The following KCNN2 variants were observed in gnomAD, a reference collection of about 807,000 sequenced individuals.
KCNN2 encodes small conductance calcium-activated potassium channel protein 2.
In KCNN2, 24 loss-of-function variants were observed where a neutral mutation model predicts 55.5. That is an observed-to-expected ratio of 0.43 (90% CI 0.31 to 0.61). The LOEUF is 0.61. KCNN2 is among the 20% of genes least tolerant of loss of function. The pLI, the probability that KCNN2 is intolerant of heterozygous loss-of-function variation, is 0.08. For missense variants in KCNN2, 754 were observed against 853.6 expected, an observed-to-expected ratio of 0.88 and a Z score of 1.45; for synonymous variants, 431 against 336.1, an observed-to-expected ratio of 1.28 and a Z score of -3.09.
chr5:114,228,444 G>C (rs1754286308), intron 2 of KCNN2, among the ~76,000 whole-genome samples: 1 of 151,976 alleles, frequency 6.6e-6, no homozygotes, highest in Non-Finnish European at 1.5e-5. Flanking sequence ...TTTAAAAGCA[G>C]ACAGTTTAAA....
intron 2 of KCNN2, among the ~76,000 whole-genome samples, chr5:114,259,177 C>T (rs1182997991): frequency 1.3e-5 from 2 of 152,184 alleles, no homozygotes; most frequent in East Asian, 3.9e-4. Context: ...AGTTTTCAGG[C>T]TAGGAAAGCA....
intron 1 of KCNN2, among the ~76,000 whole-genome samples, chr5:114,161,906 G>T (rs1246432749): frequency 6.6e-6 from 1 of 152,108 alleles, no homozygotes; most frequent in Non-Finnish European, 1.5e-5. Flanking sequence ...CATTCGTCTA[G>T]TTTTTGTTCA....
chr5:114,162,951 G>A (rs376847428), intron 1 of KCNN2, among the ~76,000 whole-genome samples: 8 of 152,108 alleles, frequency 5.3e-5, no homozygotes, highest in East Asian at 1.9e-4. Flanking sequence ...TGCACTTCCC[G>A]GGTGAGGCGA....
intron 2 of KCNN2, among the ~76,000 whole-genome samples, chr5:114,288,493 T>TACACACAC (rs777077524): frequency 0.066 from 1,421 of 21,590 alleles, 7 homozygotes; most frequent in Non-Finnish European, 0.094. Flanking sequence ...ACTTTATATA[T>TACACACAC]ATATATACAC....
chr5:114,257,693 T>G (rs1053260921), intron 2 of KCNN2, among the ~76,000 whole-genome samples: 7 of 152,208 alleles, frequency 4.6e-5, no homozygotes, highest in African/African-American at 1.7e-4. Flanking sequence ...TTTTGTACAT[T>G]GATTTCATAT....
At chr5:114,339,126 G>A (rs1316324526) in intron 2 of KCNN2, among the ~76,000 whole-genome samples, 2 of 152,180 alleles carry the variant, frequency 1.3e-5, no homozygotes, top group African/African-American at 2.4e-5. Flanking sequence ...ACGTACATAA[G>A]AGGAATCATC....
At chr5:114,398,573 A>G (rs1484326654) in intron 2 of KCNN2, among the ~76,000 whole-genome samples, 3 of 146,758 alleles carry the variant, frequency 2.0e-5, no homozygotes, top group African/African-American at 2.5e-5. Flanking sequence ...AGTTTTTTCT[A>G]TTTCTGTGAA....
chr5:114,117,077 A>G (rs1751721485), intron 1 of KCNN2, among the ~76,000 whole-genome samples: 1 of 152,180 alleles, frequency 6.6e-6, no homozygotes, highest in Admixed American at 6.6e-5. Context: ...AGTAGAAAAC[A>G]TAAGCAGAGA....
intron 1 of KCNN2, among the ~76,000 whole-genome samples, chr5:114,179,490 A>G (rs1753199886): frequency 6.6e-6 from 1 of 152,244 alleles, no homozygotes; most frequent in African/African-American, 2.4e-5. Flanking sequence ...TTTAGAAAGT[A>G]GAGGCACAGG....
At chr5:114,270,201 A>G (rs1174913787) in intron 2 of KCNN2, among the ~76,000 whole-genome samples, 3 of 152,196 alleles carry the variant, frequency 2.0e-5, no homozygotes, top group Non-Finnish European at 4.4e-5. Context: ...CTCTTATTCA[A>G]ATTGTGAGGC....
At chr5:114,135,056 G>A (rs1374419271) in intron 1 of KCNN2, among the ~76,000 whole-genome samples, 2 of 152,204 alleles carry the variant, frequency 1.3e-5, no homozygotes, top group Non-Finnish European at 2.9e-5. Context: ...AGATGGAGAT[G>A]AAAAGGAAAG....
intron 3 of KCNN2, among the ~76,000 whole-genome samples, chr5:114,408,311 G>T (rs79616744): frequency 0.043 from 6,490 of 151,642 alleles, 160 homozygotes; most frequent in South Asian, 0.062. Flanking sequence ...TCATTTTAAG[G>T]TTGTTAAGGG....
intron 3 of KCNN2, among the ~76,000 whole-genome samples, chr5:114,458,918 A>G (rs1761059677): frequency 6.6e-6 from 1 of 152,210 alleles, no homozygotes; most frequent in South Asian, 2.1e-4. Context: ...GGATAACAGC[A>G]TACCTCCCAG....
intron 3 of KCNN2, among the ~76,000 whole-genome samples, chr5:114,458,921 C>A (rs564437930): frequency 4.9e-4 from 74 of 152,298 alleles, no homozygotes; most frequent in African/African-American, 1.6e-3. Flanking sequence ...TAACAGCATA[C>A]CTCCCAGCCA....
chr5:114,256,687 G>A (rs921259634), intron 2 of KCNN2, among the ~76,000 whole-genome samples: 1 of 152,044 alleles, frequency 6.6e-6, no homozygotes, highest in Non-Finnish European at 1.5e-5. Flanking sequence ...AAAAGTGTCT[G>A]TTCATATACT....
In KCNN2 at chr5:114,237,256, T is replaced by TCACACACACACA. The variant is rs10643853; in HGVS notation, c.-185+15715_-185+15726dup. ...ATCTCCTGATGTGGGTTGTCAAAAT[T>TCACACACACACA]CACACACACACACACACACACACAC... On this transcript the variant is annotated intron_variant, in intron 2 of 10. Transcript: ENST00000512097. 1.6e-3 allele frequency among the ~76,000 whole-genome samples: 218 copies of TCACACACACACA among 138,582 alleles called. 1 individual carries two copies. Among genetic ancestry groups the TCACACACACACA allele is most frequent in the Middle Eastern group, 7.1e-3 (2 of 282 alleles). The allele number at this position is 138,582 out of a possible 152,430, so 90.9% of individuals were successfully genotyped here.
chr5:114,121,219 T>C (rs1223234719), intron 1 of KCNN2, among the ~76,000 whole-genome samples: 1 of 152,182 alleles, frequency 6.6e-6, no homozygotes, highest in Non-Finnish European at 1.5e-5. Flanking sequence ...ACCTATGGTA[T>C]CATCCCAGGG....
At chr5:114,147,453 G>A (rs1297934583) in intron 1 of KCNN2, among the ~76,000 whole-genome samples, 1 of 152,214 alleles carries the variant, frequency 6.6e-6, no homozygotes, top group Non-Finnish European at 1.5e-5. Flanking sequence ...TATATTGAAA[G>A]AGTTTTAGAG....
intron 1 of KCNN2, among the ~76,000 whole-genome samples, chr5:114,200,938 C>T (rs1415679172): frequency 6.6e-6 from 1 of 152,010 alleles, no homozygotes; most frequent in Non-Finnish European, 1.5e-5. Context: ...TTTTTAGGCT[C>T]AGAGGAGCTT....
Sources: gnomAD v4.1 joint callset for allele counts (sites outside exome capture counted in the v4.1 genomes callset) on GRCh38, gnomAD v4.1.1 for gene constraint, MANE v1.5 for transcripts, NCBI Gene and HGNC (gene_info 2026-07-23, HGNC 2026-07-21) for gene names.